The following PDE10A variants were observed in gnomAD, a reference collection of about 807,000 sequenced individuals.
PDE10A encodes phosphodiesterase 10A.
Under a neutral mutation model 97.7 loss-of-function variants are expected in PDE10A, and 39 were observed. The ratio of observed to expected loss-of-function variants is 0.40; its 90% CI spans 0.31 to 0.52. The LOEUF is 0.52. Among genes scored for constraint, PDE10A ranks in the 20% least tolerant of loss-of-function variants. PDE10A has a pLI of 0.56. For missense variants in PDE10A, 731 were observed against 1,047.8 expected (o/e 0.70, Z 4.17); for synonymous variants, 371 against 376.8 (o/e 0.98, Z 0.18).
rs552942730 is a variant in PDE10A at position 165,330,567 on chromosome 6, T to G, written c.*2458A>C. 6.6e-6 allele frequency: 1 copy of G among 152,302 alleles called. No individual in the cohort carries two copies. Among genetic ancestry groups the G allele is most frequent in the Non-Finnish European group, 1.5e-5 (1 of 67,998 alleles). The allele number at this position is 152,302 out of a possible 1,614,324, so 9.4% of individuals were successfully genotyped here. A position where few individuals can be genotyped will look rare whatever the true frequency, so the allele number is the denominator to read the frequency against. Reference sequence around the variant, plus strand: ...TCTTTTGTTCAAGCTGTGCTTCTATTATGACAATATTTCACAAGAAATTAA... The same window carrying G: ...TCTTTTGTTCAAGCTGTGCTTCTATGATGACAATATTTCACAAGAAATTAA... On this transcript the variant is annotated 3_prime_UTR_variant, in exon 22 of 22. Transcript: ENST00000539869.
intron 1 of PDE10A, among the ~76,000 whole-genome samples, chr6:165,554,442 G>A (rs996994141): frequency 3.3e-5 from 5 of 152,122 alleles, no homozygotes; most frequent in Non-Finnish European, 5.9e-5. Context: ...TCAGAGAAAT[G>A]CAAATCAAAG....
intron 1 of PDE10A, among the ~76,000 whole-genome samples, chr6:165,574,777 A>G (rs1785220639): frequency 6.6e-6 from 1 of 152,190 alleles, no homozygotes; most frequent in South Asian, 2.1e-4. Flanking sequence ...ATAAACTGTC[A>G]TACTGGTCAT....
At chr6:165,935,316 A>T (rs12215476) in intron 1 of PDE10A, among the ~76,000 whole-genome samples, 2 of 152,066 alleles carry the variant, frequency 1.3e-5, no homozygotes, top group African/African-American at 2.4e-5. Flanking sequence ...GTGTGTGCAA[A>T]GGCACAGAGA....
At chr6:165,567,310 G>A (rs2128341794) in intron 1 of PDE10A, among the ~76,000 whole-genome samples, 1 of 152,208 alleles carries the variant, frequency 6.6e-6, no homozygotes, top group East Asian at 1.9e-4. Flanking sequence ...ACACAAGAGG[G>A]GCTTTCAGTA....
intron 16 of PDE10A, among the ~76,000 whole-genome samples, chr6:165,389,960 T>A (rs1014777646): frequency 3.9e-5 from 6 of 152,232 alleles, no homozygotes; most frequent in African/African-American, 9.6e-5. Context: ...TATTCTTTCA[T>A]GAAGGGATTT....
At chr6:165,392,180 T>G (rs1475384594) in intron 16 of PDE10A, among the ~76,000 whole-genome samples, 2 of 152,216 alleles carry the variant, frequency 1.3e-5, no homozygotes, top group African/African-American at 4.8e-5. Flanking sequence ...TGTCACTAAC[T>G]CTGGGTATTT....
At chr6:165,780,740 G>A (rs1467053354) in intron 1 of PDE10A, 1 of 152,272 alleles carries the variant, frequency 6.6e-6, no homozygotes, top group African/African-American at 2.4e-5. Flanking sequence ...ATTGGTGCCA[G>A]CTGTTGGCCT....
intron 1 of PDE10A, among the ~76,000 whole-genome samples, chr6:165,896,150 A>G (rs1781941874): frequency 6.6e-6 from 1 of 151,982 alleles, no homozygotes; most frequent in Admixed American, 6.6e-5. Context: ...GCGCCCACCC[A>G]AACACCTCCC....
chr6:165,591,921 C>T (rs1786294867), intron 1 of PDE10A, among the ~76,000 whole-genome samples: 1 of 151,992 alleles, frequency 6.6e-6, no homozygotes, highest in Non-Finnish European at 1.5e-5. Context: ...CACAAATAGA[C>T]AAAAATGCTA....
At chr6:165,865,316 A>G (rs1034481441) in intron 1 of PDE10A, among the ~76,000 whole-genome samples, 1 of 152,258 alleles carries the variant, frequency 6.6e-6, no homozygotes, top group African/African-American at 2.4e-5. Flanking sequence ...TATAAAGCCA[A>G]TTTTATAAAT....
intron 1 of PDE10A, among the ~76,000 whole-genome samples, chr6:165,901,752 A>T (rs1782113552): frequency 6.6e-6 from 1 of 152,036 alleles, no homozygotes; most frequent in Non-Finnish European, 1.5e-5. Flanking sequence ...TGGTGAGCTG[A>T]GATTGCGCCG....
chr6:165,390,508 C>G (rs992411416), intron 16 of PDE10A, among the ~76,000 whole-genome samples: 1 of 152,074 alleles, frequency 6.6e-6, no homozygotes, highest in Non-Finnish European at 1.5e-5. Flanking sequence ...AAACTGCATG[C>G]GTACATGCAG....
chr6:165,786,173 G>A (rs1265358688), intron 1 of PDE10A, among the ~76,000 whole-genome samples: 2 of 152,164 alleles, frequency 1.3e-5, no homozygotes, highest in African/African-American at 4.8e-5. Flanking sequence ...ATTTAACAGA[G>A]CGCACATCTG....
intron 1 of PDE10A, among the ~76,000 whole-genome samples, chr6:165,742,453 G>A (rs1387545277): frequency 6.6e-6 from 1 of 152,076 alleles, no homozygotes; most frequent in African/African-American, 2.4e-5. Flanking sequence ...GAGTGGAGGA[G>A]TCATCCCGAG....
At chr6:165,672,766 T>C (rs1009924499) in intron 1 of PDE10A, among the ~76,000 whole-genome samples, 24 of 152,218 alleles carry the variant, frequency 1.6e-4, no homozygotes, top group Non-Finnish European at 3.4e-4. Context: ...ACCTCTTCTT[T>C]TGTAAATTGC....
chr6:165,582,868 C>T (rs952501815), intron 1 of PDE10A, among the ~76,000 whole-genome samples: 3 of 152,144 alleles, frequency 2.0e-5, no homozygotes, highest in Non-Finnish European at 4.4e-5. Flanking sequence ...GTCTCATTCT[C>T]ACCAGATTTC....
intron 1 of PDE10A, among the ~76,000 whole-genome samples, chr6:165,935,908 C>T (rs1050868376): frequency 6.6e-6 from 1 of 152,232 alleles, no homozygotes; most frequent in Admixed American, 6.5e-5. Flanking sequence ...GACTTCCCAG[C>T]CTCCAGAACT....
chr6:165,949,293 TACA>T (rs1278119449), intron 1 of PDE10A: 1 of 152,218 alleles, frequency 6.6e-6, no homozygotes, highest in African/African-American at 2.4e-5. Flanking sequence ...TGCTTGTTAT[TACA>T]ACGATTCCCT....
At chr6:165,362,069 T>A (rs1783461170) in intron 18 of PDE10A, among the ~76,000 whole-genome samples, 1 of 152,160 alleles carries the variant, frequency 6.6e-6, no homozygotes, top group African/African-American at 2.4e-5. Flanking sequence ...TTTAGAGCTA[T>A]GAATGTCTAT....
Sources: allele counts gnomAD v4.1 joint callset (sites outside exome capture counted in the v4.1 genomes callset), GRCh38; gene constraint gnomAD v4.1.1; transcripts MANE v1.5; gene names NCBI Gene and HGNC (gene_info 2026-07-23, HGNC 2026-07-21).